WDR37: variants seen among roughly 807,000 people sequenced by gnomAD.
WDR37 encodes WD repeat domain 37, also known as WD repeat-containing protein 37.
In WDR37, 19 loss-of-function variants were observed where a neutral mutation model predicts 62.9. The ratio of observed to expected loss-of-function variants is 0.30; its 90% CI spans 0.21 to 0.44. WDR37 has a LOEUF of 0.44. Among genes scored for constraint, WDR37 ranks in the 20% least tolerant of loss-of-function variants. WDR37 has a pLI of 1.00. For missense variants in WDR37, 474 were observed against 657.6 expected, an observed-to-expected ratio of 0.72 and a Z score of 3.05; for synonymous variants, 250 against 260.9, an observed-to-expected ratio of 0.96 and a Z score of 0.40.
chr10:1,116,391 T>A (rs1283351652), intron 11 of WDR37, among the ~76,000 whole-genome samples: 1 of 152,188 alleles, frequency 6.6e-6, no homozygotes, highest in African/African-American at 2.4e-5. Context: ...CCACCCTGTC[T>A]GTCAGTCCTC....
intron 11 of WDR37, among the ~76,000 whole-genome samples, chr10:1,119,821 T>C (rs1404370244): frequency 1.3e-5 from 2 of 152,224 alleles, no homozygotes. Flanking sequence ...TGAACAGTTC[T>C]GTAGTGCAGC....
At chr10:1,096,619 GT>G (rs111670031) in intron 9 of WDR37, 20 of 231,736 alleles carry the variant, frequency 8.6e-5, no homozygotes, top group African/African-American at 4.0e-4. Context: ...ATAAATGTCT[GT>G]TTTTTATGCG....
chr10:1,125,192 C>T (rs1835700279), intron 13 of WDR37, 168 bp downstream of exon 13: 6 of 791,310 alleles, frequency 7.6e-6, no homozygotes, highest in East Asian at 1.3e-4. Flanking sequence ...TAGAGTTGTA[C>T]ACTCAAGTTA....
chr10:1,076,729 A>G (rs1031441468), intron 2 of WDR37, among the ~76,000 whole-genome samples: 1 of 149,976 alleles, frequency 6.7e-6, no homozygotes, highest in Non-Finnish European at 1.5e-5. Flanking sequence ...AGTTTATGCT[A>G]TATGTAAATT....
In WDR37 at chr10:1,067,300, T is replaced by C. The variant is rs558233583; in HGVS notation, c.-40-4816T>C. Among the ~76,000 whole-genome samples the C allele has an allele frequency of 2.0e-5, 3 of 152,286 alleles. No homozygotes were observed. In the East Asian group the frequency reaches 5.8e-4, roughly 29 times the overall value. On this transcript the variant is annotated intron_variant, in intron 1 of 13. Coordinates refer to ENST00000263150, the MANE Select transcript of WDR37 (RefSeq NM_014023.4). ...ACACCTTATAAAAAGGTCAGTACCATATAGGTAATAAATTTAGATGTGAAA... is the reference window on the plus strand; with the variant it reads ...ACACCTTATAAAAAGGTCAGTACCACATAGGTAATAAATTTAGATGTGAAA...
chr10:1,057,701 G>T (rs1249561171), intron 1 of WDR37, among the ~76,000 whole-genome samples: 1 of 152,172 alleles, frequency 6.6e-6, no homozygotes, highest in Non-Finnish European at 1.5e-5. Flanking sequence ...ATTTTTCCAG[G>T]TTGTGAGTGA....
intron 9 of WDR37, among the ~76,000 whole-genome samples, chr10:1,098,452 C>T (rs1834673746): frequency 2.0e-5 from 3 of 151,974 alleles, no homozygotes; most frequent in South Asian, 2.1e-4. Flanking sequence ...CTCAGCCTCC[C>T]GAGTAGCTGG....
chr10:1,096,113 G>A, intron 8 of WDR37, 57 bp from the exon 9 acceptor site: 1 of 1,554,848 alleles, frequency 6.4e-7, no homozygotes, highest in Non-Finnish European at 8.9e-7. Flanking sequence ...TGGCGGTGAA[G>A]AGCGCATTTT....
intron 7 of WDR37, among the ~76,000 whole-genome samples, chr10:1,089,975 T>G (rs1282470597): frequency 6.6e-6 from 1 of 152,164 alleles, no homozygotes; most frequent in Non-Finnish European, 1.5e-5. Flanking sequence ...TAGGGGATTT[T>G]TCTTTTTTTG....
chr10:1,072,285 G>C lies in WDR37; in HGVS notation c.130G>C (p.Glu44Gln). ...ERTGLPRDML[E>Q]GQDSKLPSSV... ...GACGGGACTGCCAAGAGACATGTTAGAAGGACAAGTAAGCTACGATTGATT... is the reference window on the plus strand; with the variant it reads ...GACGGGACTGCCAAGAGACATGTTACAAGGACAAGTAAGCTACGATTGATT... Residue 44 changes from glutamate (E) to glutamine (Q), a missense_variant, in exon 2 of 14, where the codon GAA becomes CAA. Physicochemically the swap from Glu to Gln is conservative, Grantham distance 29. Coordinates refer to ENST00000263150, the MANE Select transcript of WDR37 (RefSeq NM_014023.4). 6.2e-7 allele frequency: 1 copy of C among 1,613,842 alleles called. No individual in the cohort carries two copies. Among genetic ancestry groups the C allele is most frequent in the Non-Finnish European group, 8.5e-7 (1 of 1,179,900 alleles).
chr10:1,074,739 G>A (rs1833818663), intron 2 of WDR37, among the ~76,000 whole-genome samples: 1 of 152,258 alleles, frequency 6.6e-6, no homozygotes, highest in Non-Finnish European at 1.5e-5. Flanking sequence ...CCTTTCAGTT[G>A]TTGAGGAGCA....
chr10:1,070,126 T>C (rs769583371), intron 1 of WDR37, among the ~76,000 whole-genome samples: 2 of 150,952 alleles, frequency 1.3e-5, no homozygotes, highest in Non-Finnish European at 2.9e-5. Context: ...GATTCTTGCT[T>C]GAACCTGGGG....
chr10:1,110,784 A>G (rs1835190865), intron 11 of WDR37, among the ~76,000 whole-genome samples: 1 of 152,260 alleles, frequency 6.6e-6, no homozygotes, highest in Non-Finnish European at 1.5e-5. Context: ...TGGCCACGGC[A>G]TCGCCAAGGA....
Position 1,103,895 on chromosome 10 carries a change from G to C in WDR37, c.961+59G>C. ...CTGTGCATGTTAGTTTATGTCCATG[G>C]GTTATGTCTGACCTTGCCACTTACT... On this transcript the variant is annotated intron_variant, in intron 10 of 13. Coordinates refer to ENST00000263150, the MANE Select transcript of WDR37 (RefSeq NM_014023.4). The surrounding 1 kb of genome is among the most constrained non-coding windows in gnomAD (Gnocchi z 6.3). The C allele has an allele frequency of 6.5e-7, 1 of 1,537,680 alleles. No individual in the cohort carries two copies. The highest frequency in any genetic ancestry group is 8.9e-7 in the Non-Finnish European group (1 of 1,125,334).
chr10:1,122,296 T>G (rs1835607718), intron 11 of WDR37, among the ~76,000 whole-genome samples: 1 of 152,212 alleles, frequency 6.6e-6, no homozygotes, highest in Non-Finnish European at 1.5e-5. Context: ...CACATGCTTA[T>G]CATCTCGTAG....
At chr10:1,091,030 T>C (rs2131639125) in intron 7 of WDR37, among the ~76,000 whole-genome samples, 1 of 152,332 alleles carries the variant, frequency 6.6e-6, no homozygotes, top group South Asian at 2.1e-4. Context: ...GTGGTTTTCA[T>C]CCTAACCCCA....
rs115414636 is a variant in WDR37, at chr10:1,097,103, G to A, written c.726+857G>A. Among the ~76,000 whole-genome samples the A allele has an allele frequency of 5.7e-3, 867 of 152,292 alleles. 11 individuals are homozygous for A. Among genetic ancestry groups the A allele is most frequent in the African/African-American group, 0.018 (752 of 41,558 alleles). On this transcript the variant is annotated intron_variant, in intron 9 of 13. Coordinates refer to ENST00000263150, the MANE Select transcript of WDR37 (RefSeq NM_014023.4). ...AAGGTGCAGCCTGGCTGCTCTCCTCGCTTACAATAAAGTGTGAAAGGACGG... is the reference window on the plus strand; with the variant it reads ...AAGGTGCAGCCTGGCTGCTCTCCTCACTTACAATAAAGTGTGAAAGGACGG...
chr10:1,131,567 G>A lies in WDR37; in HGVS notation c.*2223G>A, dbSNP rs1441539734. The A allele has an allele frequency of 1.3e-5, 2 of 152,236 alleles. No homozygotes were observed. The highest frequency in any genetic ancestry group is 1.5e-5 in the Non-Finnish European group (1 of 68,080). The allele number at this position is 152,236 out of a possible 1,614,324, so 9.4% of individuals were successfully genotyped here. ...GGGGGCGCAGCCCTGTGGTGCTCAG[G>A]CAGAGCTCTCAGGAGCCGGGGCACC... is the stretch of plus-strand genomic sequence containing the variant. On this transcript the variant is annotated 3_prime_UTR_variant, in exon 14 of 14. Transcript: ENST00000263150.
chr10:1,074,360 A>T (rs1334466771), intron 2 of WDR37: 7 of 1,263,568 alleles, frequency 5.5e-6, no homozygotes, highest in Non-Finnish European at 7.2e-6. Context: ...ATCTCATGGT[A>T]ACCCTCACGA....
Sources: allele counts gnomAD v4.1 joint callset (sites outside exome capture counted in the v4.1 genomes callset), GRCh38; gene constraint gnomAD v4.1.1; non-coding constraint Gnocchi (gnomAD v3.1); transcripts MANE v1.5; gene names NCBI Gene and HGNC (gene_info 2026-07-23, HGNC 2026-07-21).